Variants in GALNT13 observed in about 807,000 individuals in gnomAD.
GALNT13 encodes the protein UDP-GalNAc:polypeptide N-acetylgalactosaminyltransferase 13.
Under a neutral mutation model 64.2 loss-of-function variants are expected in GALNT13, and 28 were observed. The observed-to-expected ratio is 0.44, with a 90% CI of 0.32 to 0.60. The LOEUF (loss-of-function observed/expected upper bound fraction) is 0.60. Ranked by LOEUF, GALNT13 falls within the 20% of genes least tolerant of loss-of-function variation. GALNT13 has a pLI of 0.05. For synonymous variants in GALNT13, 214 were observed against 224.6 expected (o/e 0.95, Z 0.42); for missense variants, 577 against 669.8 (o/e 0.86, Z 1.53).
At chr2:153,463,513 G>A in the GALNT13 span, among the ~76,000 whole-genome samples, 1 of 152,000 alleles carries the variant, frequency 6.6e-6, no homozygotes. Flanking sequence ...GTCACTAAGT[G>A]AGCCTGCAGA....
At chr2:153,249,532 A>G in the GALNT13 span, among the ~76,000 whole-genome samples, 5 of 152,224 alleles carry the variant, frequency 3.3e-5, no homozygotes, top group African/African-American at 1.2e-4. Context: ...ACTACTTTAA[A>G]TTTCATATGG....
At chr2:153,218,082 T>C in the GALNT13 span, among the ~76,000 whole-genome samples, 1 of 152,144 alleles carries the variant, frequency 6.6e-6, no homozygotes, top group Non-Finnish European at 1.5e-5. Flanking sequence ...TCTTGGTATA[T>C]TTTGTGTTTA....
intron 7 of GALNT13, among the ~76,000 whole-genome samples, chr2:154,250,174 G>T (rs966202120): frequency 6.6e-6 from 1 of 151,992 alleles, no homozygotes; most frequent in Non-Finnish European, 1.5e-5. Flanking sequence ...TCTTTGATAT[G>T]AATTAGGTTT....
chr2:153,845,245 T>C, the GALNT13 span, among the ~76,000 whole-genome samples: 1 of 152,136 alleles, frequency 6.6e-6, no homozygotes, highest in Admixed American at 6.6e-5. Context: ...TAATTTATAA[T>C]GAATAGAGGA....
At chr2:153,631,104 T>G in the GALNT13 span, among the ~76,000 whole-genome samples, 1 of 151,950 alleles carries the variant, frequency 6.6e-6, no homozygotes, top group Admixed American at 6.6e-5. Context: ...AATGATGGTT[T>G]CCAGCTTCAT....
intron 11 of GALNT13, among the ~76,000 whole-genome samples, chr2:154,421,244 A>G (rs934717392): frequency 1.3e-5 from 2 of 152,122 alleles, no homozygotes; most frequent in Non-Finnish European, 2.9e-5. Flanking sequence ...TATATTCTGT[A>G]TAAGATTTTT....
At chr2:153,498,498 A>G in the GALNT13 span, among the ~76,000 whole-genome samples, 1 of 152,234 alleles carries the variant, frequency 6.6e-6, no homozygotes, top group African/African-American at 2.4e-5. Context: ...ACAGCCAGGC[A>G]TGCTGGCTGC....
chr2:153,412,565 T>C, the GALNT13 span, among the ~76,000 whole-genome samples: 2 of 152,162 alleles, frequency 1.3e-5, no homozygotes, highest in Non-Finnish European at 2.9e-5. Flanking sequence ...AGACCGAAGC[T>C]TGGTCTCAGG....
the GALNT13 span, among the ~76,000 whole-genome samples, chr2:153,148,560 TG>T: frequency 6.6e-6 from 1 of 151,610 alleles, no homozygotes; most frequent in Admixed American, 6.6e-5. Context: ...TTTCTGCATC[TG>T]GATCCACCAG....
At position 154,108,154 on chromosome 2, in the gene GALNT13, GT is replaced by G. The variant is rs901588561; in HGVS notation, c.143-32173del. Among the ~76,000 whole-genome samples the G allele has an allele frequency of 9.1e-4, 134 of 147,846 alleles. 1 individual carries two copies. The highest frequency in any genetic ancestry group is 3.1e-3 in the African/African-American group (123 of 40,188). Reference sequence around the variant, plus strand: ...TGATCACTTGTAATTCTATTTTTTGGTTTTTTTTTTCTTTTTTTGAGGAATC... The same window carrying G: ...TGATCACTTGTAATTCTATTTTTTGGTTTTTTTTTCTTTTTTTGAGGAATC... On this transcript the variant is annotated intron_variant, in intron 3 of 12. Coordinates refer to ENST00000392825, the MANE Select transcript of GALNT13 (RefSeq NM_052917.4).
At chr2:153,102,994 A>G in the GALNT13 span, among the ~76,000 whole-genome samples, 1 of 152,246 alleles carries the variant, frequency 6.6e-6, no homozygotes, top group East Asian at 1.9e-4. Flanking sequence ...AGCACAGCCC[A>G]GGGTATTAAT....
intron 3 of GALNT13, among the ~76,000 whole-genome samples, chr2:154,047,144 C>A (rs907874469): frequency 3.9e-5 from 6 of 151,996 alleles, no homozygotes; most frequent in Non-Finnish European, 4.4e-5. Flanking sequence ...GCTTTCTATT[C>A]TTATTTTCTT....
the GALNT13 span, among the ~76,000 whole-genome samples, chr2:153,253,726 T>G: frequency 6.6e-6 from 1 of 150,566 alleles, no homozygotes; most frequent in African/African-American, 2.5e-5. Flanking sequence ...ATTGAGATAA[T>G]CATGTGGTTT....
the GALNT13 span, among the ~76,000 whole-genome samples, chr2:153,380,895 A>G: frequency 6.6e-6 from 1 of 152,176 alleles, no homozygotes; most frequent in African/African-American, 2.4e-5. Flanking sequence ...GAGAAATTAT[A>G]GCATTTAGTC....
chr2:153,714,467 C>T, the GALNT13 span, among the ~76,000 whole-genome samples: 1 of 152,164 alleles, frequency 6.6e-6, no homozygotes, highest in African/African-American at 2.4e-5. Flanking sequence ...TTCAAGAAAA[C>T]CATCTTCCAA....
At chr2:153,473,355 A>G in the GALNT13 span, among the ~76,000 whole-genome samples, 1 of 152,166 alleles carries the variant, frequency 6.6e-6, no homozygotes, top group Non-Finnish European at 1.5e-5. Context: ...CATGACTGAT[A>G]ATAATATTAT....
the GALNT13 span, among the ~76,000 whole-genome samples, chr2:153,349,943 A>C: frequency 9.9e-5 from 15 of 152,166 alleles, no homozygotes. Context: ...CTGAAAAACA[A>C]TTATCTCAAA....
chr2:153,815,018 T>A, the GALNT13 span, among the ~76,000 whole-genome samples: 1 of 152,198 alleles, frequency 6.6e-6, no homozygotes, highest in Non-Finnish European at 1.5e-5. Flanking sequence ...ATTTCCTAGT[T>A]CTATGTGTAA....
intron 4 of GALNT13, among the ~76,000 whole-genome samples, chr2:154,201,630 T>A (rs568060041): frequency 2.4e-4 from 36 of 152,276 alleles, no homozygotes; most frequent in African/African-American, 7.9e-4. Context: ...ATGTTGTTCT[T>A]TAGATCACAT....
Sources: allele counts gnomAD v4.1 joint callset (sites outside exome capture counted in the v4.1 genomes callset), GRCh38; gene constraint gnomAD v4.1.1; transcripts MANE v1.5; gene names NCBI Gene and HGNC (gene_info 2026-07-23, HGNC 2026-07-21).